NRG1: variants seen among roughly 807,000 people sequenced by gnomAD.
The protein encoded by NRG1 is pro-neuregulin-1, membrane-bound isoform.
Under a neutral mutation model 63.8 loss-of-function variants are expected in NRG1, and 18 were observed. That is an observed-to-expected ratio of 0.28 (90% CI 0.19 to 0.42). The LOEUF (loss-of-function observed/expected upper bound fraction) is 0.42. Ranked by LOEUF, NRG1 falls within the 10% of genes least tolerant of loss-of-function variation. The pLI, the probability that NRG1 is intolerant of heterozygous loss-of-function variation, is 1.00. For missense variants in NRG1, 762 were observed against 814.7 expected (o/e 0.94, Z 0.79); for synonymous variants, 302 against 301.3 (o/e 1.00, Z -0.02).
chr8:31,774,791 C>T (rs1336561173), intron 1 of NRG1, among the ~76,000 whole-genome samples: 1 of 152,122 alleles, frequency 6.6e-6, no homozygotes, highest in South Asian at 2.1e-4. Flanking sequence ...ACAGACATTT[C>T]TCAAAAGAAG....
intron 1 of NRG1, among the ~76,000 whole-genome samples, chr8:32,364,075 C>CTTTTTTTT (rs932903875): frequency 2.1e-4 from 14 of 65,518 alleles, no homozygotes; most frequent in African/African-American, 5.0e-4. Flanking sequence ...TCTGACTAGT[C>CTTTTTTTT]TTTTTTTTTT....
Position 31,916,935 on chromosome 8 carries a change from T to C in NRG1, c.37+277504T>C, listed in dbSNP as rs201968685. On this transcript the variant is annotated intron_variant, in intron 1 of 10. Coordinates refer to the NRG1 transcript ENST00000519301. ...GATGGTATCTCATTGTGGTTTTGAT[T>C]TGCATTTCTCTGATGGCCAGTGATG... Among the ~76,000 whole-genome samples the C allele has an allele frequency of 2.6e-5, 4 of 152,068 alleles. No individual in the cohort carries two copies. The East Asian group carries it at 7.7e-4, about 29-fold the overall frequency.
chr8:32,683,363 GA>G (rs1809204523), intron 5 of NRG1, among the ~76,000 whole-genome samples: 1 of 152,198 alleles, frequency 6.6e-6, no homozygotes, highest in Admixed American at 6.5e-5. Context: ...AGCATTTGCA[GA>G]AAGATTCAGT....
At chr8:31,909,513 C>G (rs1832776415) in intron 1 of NRG1, among the ~76,000 whole-genome samples, 1 of 152,120 alleles carries the variant, frequency 6.6e-6, no homozygotes, top group Non-Finnish European at 1.5e-5. Flanking sequence ...CTAGTTTGAT[C>G]AACATTTATG....
At chr8:31,851,193 A>G (rs545254769) in intron 1 of NRG1, among the ~76,000 whole-genome samples, 1 of 152,324 alleles carries the variant, frequency 6.6e-6, no homozygotes, top group East Asian at 1.9e-4. Flanking sequence ...AAATCCTTCA[A>G]TCTATATTGC....
At chr8:31,940,805 T>A (rs1402494476) in intron 1 of NRG1, among the ~76,000 whole-genome samples, 2 of 152,038 alleles carry the variant, frequency 1.3e-5, no homozygotes, top group Non-Finnish European at 2.9e-5. Flanking sequence ...CTAGGGGAGA[T>A]GGATAAATTC....
intron 1 of NRG1, among the ~76,000 whole-genome samples, chr8:31,965,309 G>C (rs1563625924): frequency 6.6e-6 from 1 of 151,616 alleles, no homozygotes; most frequent in Non-Finnish European, 1.5e-5. Flanking sequence ...GGCAATGTCT[G>C]CCTCCTAGGT....
intron 1 of NRG1, among the ~76,000 whole-genome samples, chr8:32,008,324 C>T (rs760515946): frequency 6.6e-6 from 1 of 151,978 alleles, no homozygotes; most frequent in Non-Finnish European, 1.5e-5. Flanking sequence ...CACCAAGGAG[C>T]TGTTACACAT....
intron 1 of NRG1, among the ~76,000 whole-genome samples, chr8:32,443,574 CA>C (rs1426178878): frequency 2.0e-5 from 3 of 152,060 alleles, no homozygotes; most frequent in African/African-American, 7.2e-5. Flanking sequence ...TCTGGGGAAA[CA>C]ATGGAAGGCA....
intron 5 of NRG1, among the ~76,000 whole-genome samples, chr8:32,667,891 G>A (rs569442906): frequency 6.6e-6 from 1 of 152,246 alleles, no homozygotes; most frequent in East Asian, 1.9e-4. Flanking sequence ...CAAAGGGGAA[G>A]AAGGGATCAT....
chr8:32,095,647 A>G (rs1288074469), intron 1 of NRG1, among the ~76,000 whole-genome samples: 1 of 152,214 alleles, frequency 6.6e-6, no homozygotes. Flanking sequence ...GACTGTCCTG[A>G]TATCTGCTAT....
chr8:32,750,480 C>T (rs567239503), intron 7 of NRG1, among the ~76,000 whole-genome samples: 15 of 152,110 alleles, frequency 9.9e-5, no homozygotes, highest in East Asian at 5.8e-4. Context: ...CCTGCAGTCC[C>T]GGACCATGGT....
chr8:32,401,843 G>C (rs753264328), intron 1 of NRG1, among the ~76,000 whole-genome samples: 1 of 152,070 alleles, frequency 6.6e-6, no homozygotes, highest in Non-Finnish European at 1.5e-5. Flanking sequence ...TGACACAAGG[G>C]TACCTGTATA....
chr8:32,230,172 A>G (rs1846768598), intron 1 of NRG1, among the ~76,000 whole-genome samples: 1 of 152,164 alleles, frequency 6.6e-6, no homozygotes, highest in East Asian at 1.9e-4. Flanking sequence ...GAGATTACCT[A>G]TACTAAGAGC....
At chr8:31,946,548 C>T (rs776383773) in intron 1 of NRG1, among the ~76,000 whole-genome samples, 2 of 152,130 alleles carry the variant, frequency 1.3e-5, no homozygotes, top group African/African-American at 2.4e-5. Flanking sequence ...GAATAAGAAC[C>T]ATAGCTGTAC....
intron 1 of NRG1, among the ~76,000 whole-genome samples, chr8:31,790,779 C>G (rs1820621492): frequency 6.6e-6 from 1 of 152,118 alleles, no homozygotes; most frequent in African/African-American, 2.4e-5. Flanking sequence ...GATAGCCCAC[C>G]CTTCCGTGCA....
At chr8:32,518,411 A>T (rs1490056982) in intron 1 of NRG1, among the ~76,000 whole-genome samples, 1 of 152,298 alleles carries the variant, frequency 6.6e-6, no homozygotes, top group East Asian at 1.9e-4. Context: ...ATTCCTTGCA[A>T]TATCTAGTCC....
chr8:31,717,245 A>G (rs1812438879), intron 1 of NRG1, among the ~76,000 whole-genome samples: 2 of 151,828 alleles, frequency 1.3e-5, no homozygotes, highest in Admixed American at 1.3e-4. Context: ...TGTGTCTACT[A>G]AAAAAACAAA....
intron 1 of NRG1, among the ~76,000 whole-genome samples, chr8:32,339,399 C>T (rs567222839): frequency 1.5e-4 from 23 of 152,218 alleles, no homozygotes; most frequent in African/African-American, 5.1e-4. Flanking sequence ...TAAGCATCTC[C>T]ATCCATGAAA....
Sources: gnomAD v4.1 joint callset for allele counts (sites outside exome capture counted in the v4.1 genomes callset) on GRCh38, gnomAD v4.1.1 for gene constraint, MANE v1.5 for transcripts, NCBI Gene and HGNC (gene_info 2026-07-23, HGNC 2026-07-21) for gene names.